The following LACTB variants were observed in gnomAD, a reference collection of about 807,000 sequenced individuals.
LACTB encodes the protein serine beta-lactamase-like protein LACTB, mitochondrial.
Under a neutral mutation model 50.2 loss-of-function variants are expected in LACTB, and 35 were observed. The ratio of observed to expected loss-of-function variants is 0.70; its 90% CI spans 0.53 to 0.92. The LOEUF is 0.92. LACTB is among the 40% of genes least tolerant of loss of function. The pLI is 0.00. For synonymous variants in LACTB, 252 were observed against 268.2 expected, an observed-to-expected ratio of 0.94 and a Z score of 0.59; for missense variants, 664 against 691.8, an observed-to-expected ratio of 0.96 and a Z score of 0.45.
chr15:63,122,567 G>GC (rs1284179407), intron 1 of LACTB, 69 bp from the exon 2 acceptor site: 1 of 1,265,020 alleles, frequency 7.9e-7, no homozygotes. Context: ...GCCTTGGAAG[G>GC]TCCCCGAGGA....
rs1566994773 is a variant in LACTB, at chr15:63,141,844, GGTT to G, written c.*40_*42del. 3 of 1,532,218 alleles carry G rather than the reference GGTT, an allele frequency of 2.0e-6. No homozygotes were observed. The African/African-American group carries it at 4.1e-5, about 21-fold the overall frequency. 94.9% of individuals were successfully genotyped at this position (1,532,218 alleles called of 1,614,324 possible). A position where few individuals can be genotyped will look rare whatever the true frequency, so the allele number is the denominator to read the frequency against. ...ATAGGTGCAAAATGAGTTGTTCTGA[GGTT>G]TTTTTGAAACATTAAAGTTCCAAAA... On this transcript the variant is annotated 3_prime_UTR_variant, in exon 6 of 6. Transcript: ENST00000261893.
At chr15:63,139,798 T>C (rs1229113388) in intron 5 of LACTB, among the ~76,000 whole-genome samples, 4 of 151,336 alleles carry the variant, frequency 2.6e-5, no homozygotes, top group Non-Finnish European at 4.4e-5. Context: ...AAAAAGAAGT[T>C]ACAGAAAGCT....
chr15:63,136,562 G>C (rs563538260), intron 5 of LACTB, among the ~76,000 whole-genome samples: 4 of 151,876 alleles, frequency 2.6e-5, no homozygotes, highest in Non-Finnish European at 5.9e-5. Context: ...AAAATGTTTT[G>C]TCTGTTTGCT....
At chr15:63,128,094 A>C (rs952044807) in intron 4 of LACTB, among the ~76,000 whole-genome samples, 3 of 152,150 alleles carry the variant, frequency 2.0e-5, no homozygotes, top group African/African-American at 7.2e-5. Context: ...TTCATCACTA[A>C]TTTTTTGCCA....
intron 5 of LACTB, among the ~76,000 whole-genome samples, chr15:63,139,610 G>A (rs940647930): frequency 6.6e-6 from 1 of 151,750 alleles, no homozygotes; most frequent in Non-Finnish European, 1.5e-5. Flanking sequence ...CCAAGATCGC[G>A]CCATTGCACT....
At chr15:63,134,581 G>C (rs991340282) in intron 5 of LACTB, among the ~76,000 whole-genome samples, 3 of 152,186 alleles carry the variant, frequency 2.0e-5, no homozygotes. Flanking sequence ...AGACTTGCAA[G>C]TGTCACACTT....
rs183985406 is a variant in LACTB at position 63,125,542 on chromosome 15, A to G, written c.425-1317A>G. Among the ~76,000 whole-genome samples, 357 of 152,344 alleles carry G rather than the reference A, an allele frequency of 2.3e-3. 2 individuals are homozygous for G. Among genetic ancestry groups the G allele is most frequent in the African/African-American group, 8.1e-3 (338 of 41,576 alleles). ...ATCTAATCATTATACCTAATTTATG[A>G]TAAGTCTTGTAATCAAAAATTATAT... On this transcript the variant is annotated intron_variant, in intron 2 of 5. Coordinates refer to ENST00000261893, the MANE Select transcript of LACTB (RefSeq NM_032857.5).
At chr15:63,123,638 AGT>A (rs1281202789) in intron 2 of LACTB, among the ~76,000 whole-genome samples, 14 of 152,158 alleles carry the variant, frequency 9.2e-5, no homozygotes, top group Admixed American at 1.3e-4. Flanking sequence ...CAGGGTAAAG[AGT>A]GTGGGTCATC....
At chr15:63,139,909 A>T (rs1026946260) in intron 5 of LACTB, among the ~76,000 whole-genome samples, 5 of 149,476 alleles carry the variant, frequency 3.3e-5, no homozygotes, top group African/African-American at 1.2e-4. Context: ...ACCAGGCTGG[A>T]CAACAGTGAG....
chr15:63,132,820 A>T (rs7174466), intron 5 of LACTB, among the ~76,000 whole-genome samples: 41 of 150,856 alleles, frequency 2.7e-4, no homozygotes, highest in Middle Eastern at 3.5e-3. Context: ...GACCCCATTT[A>T]AAAAAAATTT....
chr15:63,126,806 T>C, intron 2 of LACTB, 53 bp from the exon 3 acceptor site: 1 of 1,166,186 alleles, frequency 8.6e-7, no homozygotes, highest in East Asian at 2.6e-5. Flanking sequence ...GTTTGAAAAC[T>C]TGTTTGACCA....
intron 4 of LACTB, among the ~76,000 whole-genome samples, chr15:63,128,795 G>C (rs180755682): frequency 3.5e-4 from 54 of 152,182 alleles, no homozygotes; most frequent in Admixed American, 3.1e-3. Context: ...CCAGGCTGGA[G>C]TACAGTGGCG....
rs1376236451 is a variant in LACTB, at chr15:63,126,518, TGAA to T, written c.425-334_425-332del. On this transcript the variant is annotated intron_variant, in intron 2 of 5. Coordinates refer to ENST00000261893, the MANE Select transcript of LACTB (RefSeq NM_032857.5). ...TCAAAAGTCAAAAATAAATATAATCTGAAGAAGAATAATGATGTTTTCTTTAAA... is the reference window on the plus strand; with the variant it reads ...TCAAAAGTCAAAAATAAATATAATCTGAAGAATAATGATGTTTTCTTTAAA... 3.3e-5 allele frequency among the ~76,000 whole-genome samples: 5 copies of T among 152,308 alleles called. No homozygotes were observed. The East Asian group carries it at 9.6e-4, about 29-fold the overall frequency.
chr15:63,140,036 G>A (rs1182948872), intron 5 of LACTB, among the ~76,000 whole-genome samples: 2 of 152,200 alleles, frequency 1.3e-5, no homozygotes, highest in African/African-American at 4.8e-5. Flanking sequence ...GAGCCCTGGA[G>A]GTTGAGGCTA....
At chr15:63,135,874 G>A (rs865985556) in intron 5 of LACTB, among the ~76,000 whole-genome samples, 14 of 152,190 alleles carry the variant, frequency 9.2e-5, no homozygotes, top group South Asian at 2.1e-4. Flanking sequence ...GGAGAAGGAC[G>A]TTATGTCCAC....
At chr15:63,132,120 TG>T (rs1028562287) in intron 5 of LACTB, among the ~76,000 whole-genome samples, 111 of 152,294 alleles carry the variant, frequency 7.3e-4, no homozygotes, top group African/African-American at 2.6e-3. Context: ...TATATAATGC[TG>T]AGGTTTGGAC....
intron 2 of LACTB, among the ~76,000 whole-genome samples, chr15:63,124,897 G>T (rs116250683): frequency 1.3e-5 from 2 of 152,020 alleles, no homozygotes; most frequent in South Asian, 4.1e-4. Flanking sequence ...GAGGTTTGCA[G>T]TGAGCCAAGA....
intron 4 of LACTB, 105 bp downstream of exon 4, chr15:63,127,794 T>C (rs965976764): frequency 5.1e-6 from 4 of 784,276 alleles, no homozygotes; most frequent in Admixed American, 6.0e-5. Context: ...AGGTTGATGA[T>C]TGTGATACGG....
At chr15:63,128,560 C>A (rs2037086080) in intron 4 of LACTB, among the ~76,000 whole-genome samples, 1 of 152,118 alleles carries the variant, frequency 6.6e-6, no homozygotes, top group South Asian at 2.1e-4. Flanking sequence ...GTGATCATAC[C>A]ACTTTACTCT....
Sources: allele counts gnomAD v4.1 joint callset (sites outside exome capture counted in the v4.1 genomes callset), GRCh38; gene constraint gnomAD v4.1.1; transcripts MANE v1.5; gene names NCBI Gene and HGNC (gene_info 2026-07-23, HGNC 2026-07-21).